Variants in GRM5 observed in about 807,000 individuals in gnomAD.
GRM5 encodes glutamate metabotropic receptor 5, also known as metabotropic glutamate receptor 5.
A neutral mutation model predicts 83.1 loss-of-function variants in GRM5; 19 were observed. The observed-to-expected ratio is 0.23, with a 90% confidence interval of 0.16 to 0.34. GRM5 has a LOEUF of 0.34. GRM5 is among the 10% of genes least tolerant of loss of function. GRM5 has a pLI of 1.00. For missense variants in GRM5, 1,160 were observed against 1,588.3 expected, an observed-to-expected ratio of 0.73 and a Z score of 4.58; for synonymous variants, 675 against 633.6, an observed-to-expected ratio of 1.07 and a Z score of -0.98.
Position 88,676,830 on chromosome 11 carries a change from C to G in GRM5, c.912-23427G>C, listed in dbSNP as rs532817876. ...ATTTAAGTAACACATTTTTATGTAG[C>G]ACTTACTGCGTGCAAGGCATTGCAT... On this transcript the variant is annotated intron_variant, in intron 3 of 9. Transcript: ENST00000305447. 1.1e-4 allele frequency among the ~76,000 whole-genome samples: 16 copies of G among 152,166 alleles called. No individual in the cohort carries two copies. In the South Asian group the frequency reaches 3.1e-3, roughly 30 times the overall value.
intron 3 of GRM5, among the ~76,000 whole-genome samples, chr11:88,800,604 A>C (rs1943370818): frequency 6.6e-6 from 1 of 152,152 alleles, no homozygotes; most frequent in African/African-American, 2.4e-5. Context: ...TGATTGTTTT[A>C]TTCTGTTCAT....
At chr11:88,820,924 T>G (rs1205791873) in intron 3 of GRM5, among the ~76,000 whole-genome samples, 1 of 152,226 alleles carries the variant, frequency 6.6e-6, no homozygotes, top group Non-Finnish European at 1.5e-5. Context: ...AAAGTGATTT[T>G]CTTTAGGGGC....
chr11:88,731,117 A>C (rs1212391987), intron 3 of GRM5, among the ~76,000 whole-genome samples: 2 of 152,106 alleles, frequency 1.3e-5, no homozygotes, highest in African/African-American at 2.4e-5. Flanking sequence ...TATCCACAAA[A>C]AATGCCATTT....
chr11:88,938,004 A>G (rs1937957297), intron 2 of GRM5, among the ~76,000 whole-genome samples: 1 of 151,780 alleles, frequency 6.6e-6, no homozygotes, highest in Non-Finnish European at 1.5e-5. Flanking sequence ...GCTGAAAATA[A>G]TGTATTATAT....
intron 3 of GRM5, among the ~76,000 whole-genome samples, chr11:88,712,819 G>C (rs992668563): frequency 4.6e-5 from 7 of 152,032 alleles, no homozygotes; most frequent in Admixed American, 2.6e-4. Context: ...ATTAGAATCA[G>C]ATGCAATTTT....
intron 2 of GRM5, among the ~76,000 whole-genome samples, chr11:88,850,383 G>A (rs1322678537): frequency 6.6e-6 from 1 of 152,082 alleles, no homozygotes; most frequent in African/African-American, 2.4e-5. Flanking sequence ...CTGTGATGGA[G>A]AGAATAATAT....
At chr11:88,554,617 C>A (rs1480343016) in intron 8 of GRM5, among the ~76,000 whole-genome samples, 6 of 152,162 alleles carry the variant, frequency 3.9e-5, no homozygotes, top group East Asian at 3.9e-4. Flanking sequence ...ATCCCAAGTT[C>A]TTTTCTAATT....
intron 3 of GRM5, among the ~76,000 whole-genome samples, chr11:88,685,508 G>A (rs979371896): frequency 9.2e-5 from 14 of 152,192 alleles, no homozygotes; most frequent in African/African-American, 3.1e-4. Context: ...ATTTGCATAA[G>A]TAACAAGGAG....
intron 1 of GRM5, among the ~76,000 whole-genome samples, chr11:89,064,638 T>C (rs1942059434): frequency 6.6e-6 from 1 of 152,008 alleles, no homozygotes; most frequent in Non-Finnish European, 1.5e-5. Context: ...CAGAAGATCC[T>C]CTACATTGTT....
chr11:88,788,571 A>G (rs1943115397), intron 3 of GRM5, among the ~76,000 whole-genome samples: 1 of 152,168 alleles, frequency 6.6e-6, no homozygotes, highest in South Asian at 2.1e-4. Flanking sequence ...ATCTCTTCTA[A>G]TTGAGAACAG....
chr11:88,677,595 C>T (rs1940365988), intron 3 of GRM5, among the ~76,000 whole-genome samples: 1 of 152,116 alleles, frequency 6.6e-6, no homozygotes, highest in African/African-American at 2.4e-5. Flanking sequence ...CCTGATCACC[C>T]TATACCTTAA....
chr11:88,517,382 A>C (rs1941550347), intron 9 of GRM5, among the ~76,000 whole-genome samples: 2 of 152,168 alleles, frequency 1.3e-5, no homozygotes, highest in African/African-American at 4.8e-5. Context: ...CAGTGTGTGT[A>C]AAAGCTTAGT....
At chr11:88,646,799 G>C (rs1939466877) in intron 4 of GRM5, among the ~76,000 whole-genome samples, 2 of 151,088 alleles carry the variant, frequency 1.3e-5, no homozygotes, top group Non-Finnish European at 2.9e-5. Context: ...AGCTTCTTTT[G>C]TTGCCTAGGA....
rs114212866 is a variant in GRM5 at position 88,670,975 on chromosome 11, A to G, written c.912-17572T>C. Among the ~76,000 whole-genome samples the G allele has an allele frequency of 5.2e-3, 793 of 152,108 alleles. 2 individuals carry two copies. Among genetic ancestry groups the G allele is most frequent in the African/African-American group, 0.018 (738 of 41,524 alleles). On this transcript the variant is annotated intron_variant, in intron 3 of 9. Coordinates refer to ENST00000305447, the MANE Select transcript of GRM5 (RefSeq NM_001143831.3). Reference sequence around the variant, plus strand: ...ATGTTTCTAACAGAAATGCTATTAAATACACACCAAAATGCATACAGAAGA... The same window carrying G: ...ATGTTTCTAACAGAAATGCTATTAAGTACACACCAAAATGCATACAGAAGA...
intron 3 of GRM5, among the ~76,000 whole-genome samples, chr11:88,839,927 GA>G (rs1944166300): frequency 1.3e-5 from 2 of 152,098 alleles, no homozygotes; most frequent in Non-Finnish European, 2.9e-5. Context: ...TCATAGGGAA[GA>G]AAAATATATA....
At chr11:88,895,430 T>C (rs1470129813) in intron 2 of GRM5, among the ~76,000 whole-genome samples, 2 of 151,936 alleles carry the variant, frequency 1.3e-5, no homozygotes, top group African/African-American at 4.8e-5. Context: ...GCTGTCTCTT[T>C]AACTGTAAAG....
At chr11:88,736,555 A>AGAGTT (rs1442337830) in intron 3 of GRM5, among the ~76,000 whole-genome samples, 7 of 152,068 alleles carry the variant, frequency 4.6e-5, no homozygotes, top group African/African-American at 1.7e-4. Flanking sequence ...ATTACATAGT[A>AGAGTT]GAGTTAATGT....
rs542986326 is a variant in GRM5, at chr11:88,625,538, G to T, written c.1148-20574C>A. ...TTAAAAATTATTAAGCACTAGCATC[G>T]TACCGGCATTATCCTATAGAATTGT... On this transcript the variant is annotated intron_variant, in intron 4 of 9. Transcript: ENST00000305447. 3.9e-5 allele frequency among the ~76,000 whole-genome samples: 6 copies of T among 151,966 alleles called. No individual in the cohort carries two copies. The East Asian group carries it at 9.6e-4, about 24-fold the overall frequency.
chr11:88,849,171 G>T (rs1944348250), intron 3 of GRM5, among the ~76,000 whole-genome samples: 1 of 151,546 alleles, frequency 6.6e-6, no homozygotes, highest in Non-Finnish European at 1.5e-5. Flanking sequence ...ACACACATAT[G>T]TATATACACA....
Sources: gnomAD v4.1 joint callset for allele counts (sites outside exome capture counted in the v4.1 genomes callset) on GRCh38, gnomAD v4.1.1 for gene constraint, MANE v1.5 for transcripts, NCBI Gene and HGNC (gene_info 2026-07-23, HGNC 2026-07-21) for gene names.